ENPEP: variants seen among roughly 807,000 people sequenced by gnomAD.
ENPEP encodes glutamyl aminopeptidase, also known as AP-A.
Under a neutral mutation model 114.5 loss-of-function variants are expected in ENPEP, and 103 were observed. The ratio of observed to expected loss-of-function variants is 0.90; its 90% CI spans 0.77 to 1.06. ENPEP has a LOEUF of 1.06. Ranked by LOEUF, ENPEP falls within the 50% of genes least tolerant of loss-of-function variation. The probability of loss-of-function intolerance (pLI) is 0.00; values close to 1 mark genes in which losing one functional copy is unlikely to be tolerated. For missense variants in ENPEP, 1,196 were observed against 1,161.3 expected (o/e 1.03, Z -0.43); for synonymous variants, 420 against 422.0 (o/e 1.00, Z 0.06).
intron 13 of ENPEP, among the ~76,000 whole-genome samples, chr4:110,546,259 G>T (rs965668817): frequency 6.6e-6 from 1 of 151,964 alleles, no homozygotes; most frequent in Non-Finnish European, 1.5e-5. Flanking sequence ...GAGCATTGGA[G>T]CATAGGACTT....
intron 6 of ENPEP, chr4:110,512,551 C>A (rs1367496473): frequency 6.6e-6 from 1 of 152,140 alleles, no homozygotes; most frequent in Non-Finnish European, 1.5e-5. Context: ...ACAACATACT[C>A]CTGTTTTGGA....
intron 6 of ENPEP, among the ~76,000 whole-genome samples, chr4:110,511,995 C>A (rs1725595324): frequency 1.3e-5 from 2 of 152,142 alleles, no homozygotes; most frequent in South Asian, 4.2e-4. Context: ...AACTCCTTAC[C>A]TCAGGTGATC....
chr4:110,511,340 G>A (rs1253862925), intron 6 of ENPEP, among the ~76,000 whole-genome samples: 4 of 151,912 alleles, frequency 2.6e-5, no homozygotes, highest in South Asian at 2.1e-4. Context: ...TTTCCTGTGC[G>A]TTATAGGATA....
chr4:110,537,703 C>T (rs903767594), intron 11 of ENPEP, among the ~76,000 whole-genome samples: 1 of 152,158 alleles, frequency 6.6e-6, no homozygotes, highest in African/African-American at 2.4e-5. Flanking sequence ...TTCTAATGTA[C>T]CTTGTCCAGA....
chr4:110,550,847 A>G (rs1310561818), intron 17 of ENPEP, among the ~76,000 whole-genome samples: 1 of 152,114 alleles, frequency 6.6e-6, no homozygotes, highest in African/African-American at 2.4e-5. Flanking sequence ...ATTTAAAAGG[A>G]CGACCAGAAG....
chr4:110,558,213 A>G (rs558512509), intron 18 of ENPEP, among the ~76,000 whole-genome samples: 194 of 148,370 alleles, frequency 1.3e-3, no homozygotes, highest in Middle Eastern at 7.2e-3. Flanking sequence ...TTTTATCTTC[A>G]TGATTTCTGC....
chr4:110,496,271 A>T (rs17622580), intron 3 of ENPEP, among the ~76,000 whole-genome samples: 22,565 of 151,972 alleles, frequency 0.15, 1,795 homozygotes, highest in Middle Eastern at 0.29. Flanking sequence ...TGTGCCATAG[A>T]CTTTGATTTA....
At chr4:110,523,278 C>T (rs963052458) in intron 10 of ENPEP, among the ~76,000 whole-genome samples, 4 of 152,122 alleles carry the variant, frequency 2.6e-5, no homozygotes, top group Non-Finnish European at 5.9e-5. Flanking sequence ...TTTTATAAGG[C>T]CATTTTCCCT....
chr4:110,496,334 G>T (rs1042791888), intron 3 of ENPEP, among the ~76,000 whole-genome samples: 1 of 152,036 alleles, frequency 6.6e-6, no homozygotes, highest in African/African-American at 2.4e-5. Context: ...TTGCTTTAAT[G>T]CTCAGAGATA....
intron 7 of ENPEP, among the ~76,000 whole-genome samples, chr4:110,514,335 A>G (rs1299516886): frequency 6.6e-6 from 1 of 152,084 alleles, no homozygotes; most frequent in Non-Finnish European, 1.5e-5. Flanking sequence ...TGAATACTTG[A>G]GTGAAAAAGC....
chr4:110,490,847 C>T (rs955521679), intron 2 of ENPEP, among the ~76,000 whole-genome samples, 186 bp from the exon 3 acceptor site: 22 of 152,280 alleles, frequency 1.4e-4, no homozygotes, highest in African/African-American at 5.1e-4. Context: ...CAGTCTTTAA[C>T]AGTTCTAAAA....
rs759416446 is a variant in ENPEP, at chr4:110,476,389, T to C, written c.-26T>C. The C allele has an allele frequency of 6.6e-7, 1 of 1,508,776 alleles. No individual in the cohort carries two copies. Among genetic ancestry groups the C allele is most frequent in the Non-Finnish European group, 8.9e-7 (1 of 1,127,508 alleles). 93.5% of individuals were successfully genotyped at this position (1,508,776 alleles called of 1,614,324 possible). ...TAGTTAAATTTAACATCTTTTTATG[T>C]GTAACACTTGACTTTGGAAGCAAAA... On this transcript the variant is annotated 5_prime_UTR_variant, in exon 1 of 20. Transcript: ENST00000265162.
chr4:110,496,355 C>T (rs927433815), intron 3 of ENPEP, among the ~76,000 whole-genome samples: 3 of 152,202 alleles, frequency 2.0e-5, no homozygotes, highest in South Asian at 2.1e-4. Flanking sequence ...TATTTTTAAA[C>T]TTCTTATTTT....
intron 10 of ENPEP, among the ~76,000 whole-genome samples, chr4:110,530,750 A>G (rs1290359716): frequency 6.6e-6 from 1 of 152,128 alleles, no homozygotes; most frequent in African/African-American, 2.4e-5. Flanking sequence ...CATAATTTCT[A>G]AAATGTGTTA....
chr4:110,560,738 A>G (rs927262384), intron 19 of ENPEP, among the ~76,000 whole-genome samples: 16 of 152,142 alleles, frequency 1.1e-4, no homozygotes, highest in Admixed American at 3.9e-4. Context: ...CTAATCTCAA[A>G]TCTTTCCGGT....
Position 110,524,992 on chromosome 4 carries a change from T to G in ENPEP, c.1727+4626T>G, listed in dbSNP as rs184490067. On this transcript the variant is annotated intron_variant, in intron 10 of 19. Transcript: ENST00000265162. ...GTCTCAAACTCCTGAGCTCAAGCGA[T>G]CCTCCTGCCTTGGCCTCTCAAAGTG... Among the ~76,000 whole-genome samples, 149 of 152,266 alleles carry G rather than the reference T, an allele frequency of 9.8e-4. 1 individual carries two copies. The highest frequency in any genetic ancestry group is 1.9e-3 in the Non-Finnish European group (128 of 68,024).
chr4:110,528,101 G>A (rs1726265972), intron 10 of ENPEP, among the ~76,000 whole-genome samples: 1 of 152,016 alleles, frequency 6.6e-6, no homozygotes, highest in East Asian at 1.9e-4. Flanking sequence ...TTTAATATTT[G>A]TCTTCAGTTT....
chr4:110,560,440 CAT>C (rs1727639239), intron 19 of ENPEP, among the ~76,000 whole-genome samples: 1 of 152,130 alleles, frequency 6.6e-6, no homozygotes, highest in African/African-American at 2.4e-5. Flanking sequence ...AGGTGTAAAA[CAT>C]GTCTTTATTT....
chr4:110,549,688 A>C, intron 16 of ENPEP, 28 bp from the exon 17 acceptor site: 1 of 1,612,846 alleles, frequency 6.2e-7, no homozygotes, highest in African/African-American at 1.3e-5. Flanking sequence ...AGTAGTTGAA[A>C]TCTCTGAAAC....
Sources: gnomAD v4.1 joint callset for allele counts (sites outside exome capture counted in the v4.1 genomes callset) on GRCh38, gnomAD v4.1.1 for gene constraint, MANE v1.5 for transcripts, NCBI Gene and HGNC (gene_info 2026-07-23, HGNC 2026-07-21) for gene names.